The following GABBR2 variants were observed in gnomAD, a reference collection of about 807,000 sequenced individuals.
The protein encoded by GABBR2 is gamma-aminobutyric acid type B receptor subunit 2, also known as G-protein coupled receptor 51.
GABBR2 carries 23 observed loss-of-function variants against 105.6 expected under a neutral mutation model. The ratio of observed to expected loss-of-function variants is 0.22; its 90% CI spans 0.16 to 0.31. The LOEUF is 0.31. Ranked by LOEUF, GABBR2 falls within the 10% of genes least tolerant of loss-of-function variation. GABBR2 has a pLI of 1.00. For missense variants in GABBR2, 734 were observed against 1,245.5 expected (o/e 0.59, Z 6.18); for synonymous variants, 478 against 499.7 (o/e 0.96, Z 0.58).
intron 7 of GABBR2, among the ~76,000 whole-genome samples, chr9:98,434,819 G>A (rs547234848): frequency 3.9e-5 from 6 of 152,222 alleles, no homozygotes; most frequent in Admixed American, 2.0e-4. Context: ...AGGAGGCTGT[G>A]CCACCAGGCC....
At chr9:98,410,695 G>GAGGCCT (rs1401753197) in intron 7 of GABBR2, among the ~76,000 whole-genome samples, 1 of 151,708 alleles carries the variant, frequency 6.6e-6, no homozygotes, top group Non-Finnish European at 1.5e-5. Context: ...AGGAGCCTCG[G>GAGGCCT]AGGCCTGTCT....
intron 1 of GABBR2, among the ~76,000 whole-genome samples, chr9:98,625,267 T>C (rs1285391223): frequency 6.6e-6 from 1 of 152,158 alleles, no homozygotes; most frequent in Non-Finnish European, 1.5e-5. Flanking sequence ...TTACTTCCAC[T>C]CACTTGCCCA....
intron 6 of GABBR2, among the ~76,000 whole-genome samples, chr9:98,455,499 C>CTA (rs1197304957): frequency 6.6e-6 from 1 of 152,174 alleles, no homozygotes; most frequent in Non-Finnish European, 1.5e-5. Flanking sequence ...TGCAGTCAGT[C>CTA]TATAGCCTGA....
chr9:98,658,746 T>C (rs1323762117), intron 1 of GABBR2, among the ~76,000 whole-genome samples: 1 of 152,138 alleles, frequency 6.6e-6, no homozygotes, highest in East Asian at 1.9e-4. Flanking sequence ...GGGGGCAACA[T>C]GTGACCTCAT....
At chr9:98,612,822 G>C (rs1432912913) in intron 1 of GABBR2, among the ~76,000 whole-genome samples, 2 of 152,200 alleles carry the variant, frequency 1.3e-5, no homozygotes, top group Non-Finnish European at 2.9e-5. Context: ...AGAATTCTCT[G>C]GGGTAACAGA....
chr9:98,611,953 A>C (rs978502835), intron 1 of GABBR2, among the ~76,000 whole-genome samples: 1 of 152,254 alleles, frequency 6.6e-6, no homozygotes, highest in African/African-American at 2.4e-5. Flanking sequence ...TCATTCCAGA[A>C]TCAAGGAGGT....
intron 13 of GABBR2, among the ~76,000 whole-genome samples, chr9:98,311,744 T>A (rs1222408998): frequency 6.6e-6 from 1 of 152,182 alleles, no homozygotes; most frequent in Non-Finnish European, 1.5e-5. Flanking sequence ...ACATGACTCA[T>A]CCTTGGCCAG....
chr9:98,431,433 T>C (rs1288668431), intron 7 of GABBR2, among the ~76,000 whole-genome samples: 2 of 152,000 alleles, frequency 1.3e-5, no homozygotes, highest in Non-Finnish European at 2.9e-5. Context: ...ACTTGGCACA[T>C]AGTAAGTTCT....
intron 13 of GABBR2, among the ~76,000 whole-genome samples, chr9:98,335,668 C>G (rs976518819): frequency 2.1e-5 from 1 of 47,494 alleles, no homozygotes; most frequent in African/African-American, 9.0e-5. Flanking sequence ...AATCATTCAA[C>G]AACAACAACA....
chr9:98,328,816 A>C (rs940775887), intron 13 of GABBR2, among the ~76,000 whole-genome samples: 3 of 152,196 alleles, frequency 2.0e-5, no homozygotes, highest in Non-Finnish European at 4.4e-5. Context: ...TCAGCCAGTC[A>C]CTGAGAATGT....
In GABBR2 at chr9:98,301,232, TG is replaced by T. The variant is rs1234410346; in HGVS notation, c.2413-1880del. 2.6e-5 allele frequency among the ~76,000 whole-genome samples: 4 copies of T among 151,524 alleles called. No individual in the cohort carries two copies. In the South Asian group the frequency reaches 6.2e-4, roughly 24 times the overall value. On this transcript the variant is annotated intron_variant, in intron 16 of 18. Coordinates refer to ENST00000259455, the MANE Select transcript of GABBR2 (RefSeq NM_005458.8). ...TTATGACTGGTATCTGAGGGTAGGGTGGGGGTCAGGGGGAGCCTTGGGGACT... is the reference window on the plus strand; with the variant it reads ...TTATGACTGGTATCTGAGGGTAGGGTGGGGTCAGGGGGAGCCTTGGGGACT...
At chr9:98,607,730 A>G in intron 1 of GABBR2, 1 of 770,544 alleles carries the variant, frequency 1.3e-6, no homozygotes, top group Non-Finnish European at 2.4e-6. Flanking sequence ...GTTACTAATA[A>G]TGTCCACTAT....
intron 3 of GABBR2, among the ~76,000 whole-genome samples, chr9:98,499,988 G>C (rs1049552368): frequency 6.6e-6 from 1 of 152,222 alleles, no homozygotes; most frequent in East Asian, 1.9e-4. Flanking sequence ...CGGAGGCAGA[G>C]GTTGCAGTGA....
intron 1 of GABBR2, among the ~76,000 whole-genome samples, chr9:98,638,246 C>T (rs928414491): frequency 6.6e-6 from 1 of 152,204 alleles, no homozygotes; most frequent in Admixed American, 6.5e-5. Flanking sequence ...CCAAGGTTGT[C>T]CTAGGATTCC....
At chr9:98,668,388 A>C (rs1830364681) in intron 1 of GABBR2, among the ~76,000 whole-genome samples, 1 of 152,126 alleles carries the variant, frequency 6.6e-6, no homozygotes, top group Admixed American at 6.5e-5. Context: ...CACTTCTACC[A>C]TTTTATGGGT....
intron 12 of GABBR2, among the ~76,000 whole-genome samples, chr9:98,369,436 A>C (rs1258677359): frequency 6.6e-6 from 1 of 152,094 alleles, no homozygotes; most frequent in African/African-American, 2.4e-5. Context: ...GAGAGGTATC[A>C]CCAGGGCACC....
chr9:98,611,457 G>GGAATGAATGAATGAATGAAT (rs10693570), intron 1 of GABBR2, among the ~76,000 whole-genome samples: 2 of 150,076 alleles, frequency 1.3e-5, no homozygotes, highest in Admixed American at 6.6e-5. Context: ...GTGCACCCGA[G>GGAATGAATGAATGAATGAAT]GAATGAATGA....
intron 4 of GABBR2, among the ~76,000 whole-genome samples, chr9:98,484,590 T>C (rs1827002985): frequency 6.6e-6 from 1 of 151,864 alleles, no homozygotes; most frequent in African/African-American, 2.4e-5. Flanking sequence ...ATGGGGATCT[T>C]GGGGGGCACC....
chr9:98,390,961 C>A (rs1439434306), intron 9 of GABBR2, among the ~76,000 whole-genome samples: 1 of 152,166 alleles, frequency 6.6e-6, no homozygotes, highest in Non-Finnish European at 1.5e-5. Flanking sequence ...TTGTGGAAAC[C>A]AAATGCTTGG....
Sources: gnomAD v4.1 joint callset for allele counts (sites outside exome capture counted in the v4.1 genomes callset) on GRCh38, gnomAD v4.1.1 for gene constraint, MANE v1.5 for transcripts, NCBI Gene and HGNC (gene_info 2026-07-23, HGNC 2026-07-21) for gene names.